SYN3: variants seen among roughly 807,000 people sequenced by gnomAD.
SYN3 encodes the protein synapsin-3.
SYN3 carries 35 observed loss-of-function variants against 65.8 expected under a neutral mutation model. The ratio of observed to expected loss-of-function variants is 0.53; its 90% confidence interval spans 0.41 to 0.70. SYN3 has a LOEUF of 0.70. SYN3 is among the 30% of genes least tolerant of loss of function. The probability of loss-of-function intolerance (pLI) is 0.00; values close to 1 mark genes in which losing one functional copy is unlikely to be tolerated. For missense variants in SYN3, 680 were observed against 749.0 expected (o/e 0.91, Z 1.08); for synonymous variants, 270 against 292.9 (o/e 0.92, Z 0.80).
chr22:32,686,426 G>C (rs5998578), intron 6 of SYN3, among the ~76,000 whole-genome samples: 3 of 150,118 alleles, frequency 2.0e-5, no homozygotes, highest in African/African-American at 7.4e-5. Flanking sequence ...CAGAGATTTA[G>C]ATTGCTATGG....
intron 9 of SYN3, 59 bp from the exon 10 acceptor site, chr22:32,533,954 G>A (rs974122044): frequency 1.2e-5 from 15 of 1,207,816 alleles, no homozygotes; most frequent in Admixed American, 1.9e-5. Flanking sequence ...AGCGGGTAGA[G>A]GGAGAGAAGT....
At chr22:32,734,376 T>C (rs1380388579) in intron 6 of SYN3, among the ~76,000 whole-genome samples, 1 of 152,224 alleles carries the variant, frequency 6.6e-6, no homozygotes, top group Admixed American at 6.5e-5. Flanking sequence ...GCTGCTGTTT[T>C]GTACACATCC....
intron 1 of SYN3, among the ~76,000 whole-genome samples, chr22:33,018,882 G>A (rs955308390): frequency 2.2e-4 from 34 of 152,170 alleles, no homozygotes; most frequent in Admixed American, 2.2e-3. Context: ...TAACCCTGGT[G>A]AGTTTCAGCC....
chr22:32,621,865 G>A (rs2059599697), intron 6 of SYN3, among the ~76,000 whole-genome samples: 1 of 152,142 alleles, frequency 6.6e-6, no homozygotes, highest in African/African-American at 2.4e-5. Context: ...CAGCTAAGAA[G>A]TGGAAGAGCA....
chr22:32,991,343 A>AT (rs763373812), intron 2 of SYN3, among the ~76,000 whole-genome samples: 204 of 145,212 alleles, frequency 1.4e-3, no homozygotes, highest in Non-Finnish European at 2.5e-3. Context: ...ATCTCAAATA[A>AT]TAATAATAAT....
At chr22:32,900,315 C>T (rs1043404649) in intron 4 of SYN3, among the ~76,000 whole-genome samples, 4 of 152,182 alleles carry the variant, frequency 2.6e-5, no homozygotes, top group Non-Finnish European at 1.5e-5. Flanking sequence ...AGCAGCAGAT[C>T]CTCTTCATCT....
Position 32,803,776 on chromosome 22 carries a change from CAG to C in SYN3, c.711+61137_711+61138del, listed in dbSNP as rs1343824173. ...CGGCCAGGAGGCTGGCAGGTGGAAT[CAG>C]GGTGTGCAGGGGTGCAGCCCAAGTC... is the stretch of plus-strand genomic sequence containing the variant. On this transcript the variant is annotated intron_variant, in intron 6 of 13. Coordinates refer to ENST00000358763, the MANE Select transcript of SYN3 (RefSeq NM_003490.4). 2.6e-5 allele frequency among the ~76,000 whole-genome samples: 4 copies of C among 152,316 alleles called. No homozygotes were observed. The South Asian group carries it at 8.3e-4, about 32-fold the overall frequency.
chr22:32,873,632 C>A (rs928077870), intron 4 of SYN3, among the ~76,000 whole-genome samples: 1 of 152,158 alleles, frequency 6.6e-6, no homozygotes, highest in African/African-American at 2.4e-5. Flanking sequence ...AAGGACGGAA[C>A]ACCTGATGTA....
chr22:32,695,588 C>A (rs1027342921), intron 6 of SYN3, among the ~76,000 whole-genome samples: 5 of 152,180 alleles, frequency 3.3e-5, no homozygotes, highest in Admixed American at 6.5e-5. Context: ...CCCACAGATT[C>A]ATGGGTCCTC....
chr22:32,880,763 C>T (rs1402922359), intron 4 of SYN3, among the ~76,000 whole-genome samples: 1 of 152,196 alleles, frequency 6.6e-6, no homozygotes, highest in Non-Finnish European at 1.5e-5. Context: ...TTAATATGTT[C>T]CTAAGAACTA....
rs397793026 is a variant in SYN3, at chr22:32,569,448, T to TA, written c.774+27225_774+27226insT. Among the ~76,000 whole-genome samples the TA allele has an allele frequency of 2.4e-3, 353 of 146,008 alleles. 1 individual carries two copies. Among genetic ancestry groups the TA allele is most frequent in the African/African-American group, 8.3e-3 (315 of 38,148 alleles). On this transcript the variant is annotated intron_variant, in intron 7 of 13. Transcript: ENST00000358763. ...CTATCTATCTATCTATCTATCTATCTTCTCTATCTATCTAAAATCTATCAA... is the reference window on the plus strand; with the variant it reads ...CTATCTATCTATCTATCTATCTATCTATCTCTATCTATCTAAAATCTATCAA...
intron 6 of SYN3, among the ~76,000 whole-genome samples, chr22:32,736,139 G>A (rs75128424): frequency 0.017 from 2,532 of 152,278 alleles, 64 homozygotes; most frequent in African/African-American, 0.054. Flanking sequence ...TCAGTTTTAT[G>A]TGTTCAGATT....
At chr22:32,916,151 G>A (rs907176610) in intron 4 of SYN3, among the ~76,000 whole-genome samples, 1 of 152,168 alleles carries the variant, frequency 6.6e-6, no homozygotes, top group African/African-American at 2.4e-5. Flanking sequence ...GAGCACCAAG[G>A]CAACAGACTG....
At chr22:32,847,648 G>A (rs770534697) in intron 6 of SYN3, among the ~76,000 whole-genome samples, 6 of 152,156 alleles carry the variant, frequency 3.9e-5, no homozygotes, top group Non-Finnish European at 8.8e-5. Context: ...GATACATAGT[G>A]GAGCATCCAC....
At chr22:32,533,502 G>C (rs2058111243) in intron 10 of SYN3, among the ~76,000 whole-genome samples, 1 of 152,182 alleles carries the variant, frequency 6.6e-6, no homozygotes, top group Non-Finnish European at 1.5e-5. Flanking sequence ...ACAGTATCTT[G>C]TTGACCCTTG....
intron 6 of SYN3, chr22:32,859,464 T>G (rs886057434): frequency 4.6e-5 from 68 of 1,469,530 alleles, no homozygotes; most frequent in Non-Finnish European, 6.1e-5. Flanking sequence ...GACAATGAAA[T>G]TAGTGCCTGT....
intron 6 of SYN3, among the ~76,000 whole-genome samples, chr22:32,839,263 G>A (rs2146185787): frequency 6.6e-6 from 1 of 152,164 alleles, no homozygotes; most frequent in African/African-American, 2.4e-5. Context: ...GGAGGTGTAG[G>A]TGAGGATGTA....
intron 6 of SYN3, among the ~76,000 whole-genome samples, chr22:32,715,130 GA>G (rs1287544517): frequency 1.3e-5 from 2 of 152,136 alleles, no homozygotes; most frequent in East Asian, 3.9e-4. Flanking sequence ...CCAGCTCTCT[GA>G]AAAAAACAAA....
At chr22:32,786,869 G>T (rs2046206841) in intron 6 of SYN3, among the ~76,000 whole-genome samples, 1 of 151,970 alleles carries the variant, frequency 6.6e-6, no homozygotes, top group South Asian at 2.1e-4. Flanking sequence ...CACAGGTCCT[G>T]CTTGGCTACA....
Sources: gnomAD v4.1 joint callset for allele counts (sites outside exome capture counted in the v4.1 genomes callset) on GRCh38, gnomAD v4.1.1 for gene constraint, MANE v1.5 for transcripts, NCBI Gene and HGNC (gene_info 2026-07-23, HGNC 2026-07-21) for gene names.